Variants in VPS13C observed in about 807,000 individuals in gnomAD.
The protein encoded by VPS13C is vacuolar protein sorting 13 homolog C.
In VPS13C, 358 loss-of-function variants were observed where a neutral mutation model predicts 456.8. The ratio of observed to expected loss-of-function variants is 0.78; its 90% CI spans 0.72 to 0.86. The LOEUF is 0.86. Ranked by LOEUF, VPS13C falls within the 40% of genes least tolerant of loss-of-function variation. VPS13C has a pLI of 0.00. For synonymous variants in VPS13C, 1,578 were observed against 1,486.7 expected, an observed-to-expected ratio of 1.06 and a Z score of -1.41; for missense variants, 4,818 against 4,385.4, an observed-to-expected ratio of 1.10 and a Z score of -2.79.
rs1895054701 is a variant in VPS13C, at chr15:61,871,853, G to A, written c.10624+136C>T. 1.0e-5 allele frequency: 7 copies of A among 698,374 alleles called. No homozygotes were observed. The South Asian group carries it at 1.5e-4, about 15-fold the overall frequency. 43.3% of individuals were successfully genotyped at this position (698,374 alleles called of 1,614,324 possible). On this transcript the variant is annotated intron_variant, in intron 79 of 84. Transcript: ENST00000644861. Reference sequence around the variant, plus strand: ...TTTCTAAGGAAAATACATTCATTGAGCAACTTAAGGCTACGAATATAAAAT... The same window carrying A: ...TTTCTAAGGAAAATACATTCATTGAACAACTTAAGGCTACGAATATAAAAT...
intron 83 of VPS13C, 96 bp from the exon 84 acceptor site, chr15:61,855,050 A>G: frequency 4.1e-6 from 4 of 974,686 alleles, no homozygotes; most frequent in Non-Finnish European, 6.0e-6. Flanking sequence ...ACTCTATCTT[A>G]TAACAAGTAG....
chr15:62,023,922 A>T, intron 6 of VPS13C, 77 bp from the exon 7 acceptor site: 1 of 1,384,956 alleles, frequency 7.2e-7, no homozygotes, highest in South Asian at 1.4e-5. Context: ...AGAAAACAAG[A>T]GAATTTTTCC....
chr15:62,002,562 G>A (rs2046667116), intron 15 of VPS13C, among the ~76,000 whole-genome samples: 1 of 152,140 alleles, frequency 6.6e-6, no homozygotes, highest in Non-Finnish European at 1.5e-5. Flanking sequence ...TGTTGCCATT[G>A]CTTTTGGTGT....
chr15:61,983,802 C>G lies in VPS13C; in HGVS notation c.1914+18G>C. 6.2e-7 allele frequency: 1 copy of G among 1,609,762 alleles called. No individual in the cohort carries two copies. The highest frequency in any genetic ancestry group is 8.5e-7 in the Non-Finnish European group (1 of 1,178,692). Reference sequence around the variant, plus strand: ...ATAAGATGATTTAAATAAAGAGTTACTTTCTCCTTGCACTTACAGCATCAT... The same window carrying G: ...ATAAGATGATTTAAATAAAGAGTTAGTTTCTCCTTGCACTTACAGCATCAT... On this transcript the variant is annotated intron_variant, in intron 20 of 84. Coordinates refer to ENST00000644861, the MANE Select transcript of VPS13C (RefSeq NM_020821.3).
chr15:61,929,299 T>C (rs1459186089), intron 51 of VPS13C, among the ~76,000 whole-genome samples: 1 of 152,220 alleles, frequency 6.6e-6, no homozygotes, highest in South Asian at 2.1e-4. Flanking sequence ...CAGCGGACTT[T>C]CCTGGCCATT....
intron 8 of VPS13C, among the ~76,000 whole-genome samples, chr15:62,022,585 T>C (rs377363225): frequency 6.6e-6 from 1 of 151,858 alleles, no homozygotes; most frequent in East Asian, 1.9e-4. Context: ...AAGACAGAGG[T>C]GGTATTTTTT....
In VPS13C at chr15:62,000,577, T is replaced by A. The variant is rs529223967; in HGVS notation, c.1340A>T (p.Gln447Leu). The change falls in exon 16 of 85, where the codon CAA becomes CTA. Residue 447 changes from glutamine (Q) to leucine (L), a missense_variant. By Grantham distance (113) the Gln-to-Leu change is moderately radical. Coordinates refer to ENST00000644861, the MANE Select transcript of VPS13C (RefSeq NM_020821.3). ...AAAAATGATTACCTCAACTTGTGCT[T>A]GTTGCCTTGCTAAAATTATGTTAAA... ...DVFNIILARQ[Q>L]AQVEVIRSGQ... 1.2e-6 allele frequency: 2 copies of A among 1,608,280 alleles called. No homozygotes were observed. The highest frequency in any genetic ancestry group is 4.5e-5 in the East Asian group (2 of 44,420).
intron 9 of VPS13C, among the ~76,000 whole-genome samples, chr15:62,020,188 G>T (rs1390896720): frequency 1.3e-5 from 2 of 151,698 alleles, no homozygotes; most frequent in Non-Finnish European, 2.9e-5. Context: ...TGACTCTACA[G>T]AAATTCATCT....
intron 31 of VPS13C, 124 bp from the exon 32 acceptor site, chr15:61,964,075 C>T (rs1032173848): frequency 3.7e-6 from 2 of 536,718 alleles, no homozygotes; most frequent in Non-Finnish European, 3.2e-6. Flanking sequence ...TTCTCCAACT[C>T]TTAAAGATTC....
At chr15:61,878,032 T>A (rs1895582493) in intron 74 of VPS13C, among the ~76,000 whole-genome samples, 1 of 151,966 alleles carries the variant, frequency 6.6e-6, no homozygotes, top group South Asian at 2.1e-4. Flanking sequence ...TAAATGTATC[T>A]TTTATTTTCC....
intron 9 of VPS13C, 46 bp from the exon 10 acceptor site, chr15:62,014,038 T>C: frequency 7.0e-7 from 1 of 1,428,782 alleles, no homozygotes; most frequent in Non-Finnish European, 9.8e-7. Context: ...ATGGATGTCA[T>C]TAATAGCGCT....
chr15:61,869,721 C>T, intron 79 of VPS13C, 98 bp from the exon 80 acceptor site: 1 of 1,528,778 alleles, frequency 6.5e-7, no homozygotes, highest in African/African-American at 1.4e-5. Context: ...CTGTTTTACC[C>T]AGGAAGTTAC....
chr15:61,924,794 C>T (rs2043789724), intron 53 of VPS13C, among the ~76,000 whole-genome samples: 1 of 152,152 alleles, frequency 6.6e-6, no homozygotes, highest in African/African-American at 2.4e-5. Context: ...AAGCTACTAC[C>T]ATTATTGGCA....
intron 1 of VPS13C, among the ~76,000 whole-genome samples, 158 bp from the exon 2 acceptor site, chr15:62,044,413 AC>A (rs1358994402): frequency 1.3e-5 from 2 of 152,200 alleles, no homozygotes; most frequent in African/African-American, 4.8e-5. Context: ...AATAGTTGCT[AC>A]ATATGCTCAA....
intron 1 of VPS13C, among the ~76,000 whole-genome samples, chr15:62,059,664 G>C (rs1490614845): frequency 6.6e-6 from 1 of 152,144 alleles, no homozygotes; most frequent in East Asian, 1.9e-4. Flanking sequence ...TGACGGAAAA[G>C]TAAATATTAA....
intron 49 of VPS13C, among the ~76,000 whole-genome samples, chr15:61,931,550 C>A (rs2162064): frequency 0.53 from 79,290 of 150,758 alleles, 21,038 homozygotes; most frequent in Admixed American, 0.61. Context: ...GCTGTCAATT[C>A]ATCAATTAAT....
intron 24 of VPS13C, among the ~76,000 whole-genome samples, chr15:61,975,782 C>A (rs2045685055): frequency 6.6e-6 from 1 of 151,934 alleles, no homozygotes; most frequent in Non-Finnish European, 1.5e-5. Context: ...GATACCAAAA[C>A]AAGAAAAGCA....
At chr15:62,006,674 C>G (rs549670284) in intron 15 of VPS13C, among the ~76,000 whole-genome samples, 1 of 152,158 alleles carries the variant, frequency 6.6e-6, no homozygotes, top group Non-Finnish European at 1.5e-5. Flanking sequence ...CCTGAGGAAT[C>G]GCCACACTGA....
In VPS13C at chr15:61,920,198, T is replaced by A; in HGVS notation, c.7346A>T (p.Glu2449Val). 6.2e-7 allele frequency: 1 copy of A among 1,613,654 alleles called. No individual in the cohort carries two copies. The highest frequency in any genetic ancestry group is 8.5e-7 in the Non-Finnish European group (1 of 1,179,662). ...NCNLRVMGFP[E>V]KSDIFDVDAG... is the part of the protein sequence containing the mutation. ...ATCAACATCAAAAATATCACTTTTC[T>A]CAGGGAAGCCCATTACTCTGAGATT... The change falls in exon 57 of 85, where the codon GAG becomes GTG. Residue 2449 changes from glutamate (E) to valine (V), a missense_variant. Physicochemically the swap from Glu to Val is moderately radical, Grantham distance 121. Transcript: ENST00000644861.
Sources: gnomAD v4.1 joint callset for allele counts (sites outside exome capture counted in the v4.1 genomes callset) on GRCh38, gnomAD v4.1.1 for gene constraint, MANE v1.5 for transcripts, NCBI Gene and HGNC (gene_info 2026-07-23, HGNC 2026-07-21) for gene names.